Variants in QTRT1 observed in about 807,000 individuals in gnomAD.
The protein encoded by QTRT1 is queuine tRNA-ribosyltransferase catalytic subunit 1, also known as TGT, 43-KD subunit.
In QTRT1, 41 loss-of-function variants were observed where a neutral mutation model predicts 44.0. The ratio of observed to expected loss-of-function variants is 0.93; its 90% CI spans 0.73 to 1.21. The LOEUF (loss-of-function observed/expected upper bound fraction) is 1.21, where lower values mean the gene tolerates loss of function less well. QTRT1 is among the 50% of genes most tolerant of loss of function. The pLI is 0.00. For missense variants in QTRT1, 542 were observed against 575.8 expected (o/e 0.94, Z 0.60); for synonymous variants, 226 against 237.1 (o/e 0.95, Z 0.43).
At position 10,712,797 on chromosome 19, in the gene QTRT1, T is replaced by C. The variant is rs149020533; in HGVS notation, c.901T>C (p.Leu301=). 691 of 1,613,850 alleles carry C rather than the reference T, an allele frequency of 4.3e-4. 3 individuals are homozygous for C. The African/African-American group carries it at 7.5e-3, about 18-fold the overall frequency. Residue 301 remains leucine, a synonymous_variant, in exon 8 of 10, where the codon TTG becomes CTG. Coordinates refer to ENST00000250237, the MANE Select transcript of QTRT1 (RefSeq NM_031209.3). The surrounding 1 kb of genome is among the most constrained non-coding windows in gnomAD (Gnocchi z 5.6). ...SALVPTGNLQ[L]RKKVFEKDFG... is the part of the protein sequence containing the mutation. ...CCTGGTGCCCACTGGGAACCTGCAG[T>C]TGAGGAAGAAGGTGTTTGAGAAGGA...
chr19:10,707,684 GC>G, intron 5 of QTRT1, 69 bp downstream of exon 5: 1 of 1,185,710 alleles, frequency 8.4e-7, no homozygotes, highest in Non-Finnish European at 1.2e-6. Context: ...CTGGCGTATG[GC>G]GGGACTGGAT....
chr19:10,707,618 A>G lies in QTRT1; in HGVS notation c.646+3A>G. Reference sequence around the variant, plus strand: ...TCTCCGGGCCACCTGCCTTGAAGGTAGAGCCATGCGCTGGCAGGCCCAGGG... The same window carrying G: ...TCTCCGGGCCACCTGCCTTGAAGGTGGAGCCATGCGCTGGCAGGCCCAGGG... On this transcript the variant is annotated splice_donor_region_variant and intron_variant, in intron 5 of 9. Transcript: ENST00000250237. 1 of 1,592,552 alleles carries G rather than the reference A, an allele frequency of 6.3e-7. No individual in the cohort carries two copies.
intron 3 of QTRT1, among the ~76,000 whole-genome samples, chr19:10,705,103 C>T (rs1326838024): frequency 6.6e-6 from 1 of 151,322 alleles, no homozygotes; most frequent in Non-Finnish European, 1.5e-5. Context: ...TTAGTAGAGA[C>T]GGGGTTTCAC....
At chr19:10,710,326 A>T (rs1459431988) in intron 5 of QTRT1, among the ~76,000 whole-genome samples, 1 of 151,784 alleles carries the variant, frequency 6.6e-6, no homozygotes, top group Non-Finnish European at 1.5e-5. Flanking sequence ...TTTATTTTTT[A>T]TTTTTTTGAG....
intron 1 of QTRT1, 120 bp downstream of exon 1, chr19:10,701,823 C>T: frequency 6.4e-7 from 1 of 1,573,340 alleles, no homozygotes; most frequent in Non-Finnish European, 8.7e-7. Context: ...TTGAGCGCCC[C>T]CAATGACCAG....
Position 10,702,100 on chromosome 19 carries a change from G to A in QTRT1, c.313-16G>A, listed in dbSNP as rs1568251534. On this transcript the variant is annotated splice_polypyrimidine_tract_variant and intron_variant, in intron 2 of 9. Coordinates refer to ENST00000250237, the MANE Select transcript of QTRT1 (RefSeq NM_031209.3). Reference sequence around the variant, plus strand: ...ATCTCCACCCCCTGACAGCTTTGCGGTGGGGTTTCCCTTAGGACAGCGGCG... The same window carrying A: ...ATCTCCACCCCCTGACAGCTTTGCGATGGGGTTTCCCTTAGGACAGCGGCG... The A allele has an allele frequency of 5.6e-6, 9 of 1,614,190 alleles. No individual in the cohort carries two copies. Among genetic ancestry groups the A allele is most frequent in the Non-Finnish European group, 7.6e-6 (9 of 1,180,024 alleles).
At chr19:10,711,883 G>C in intron 5 of QTRT1, 1 of 549,764 alleles carries the variant, frequency 1.8e-6, no homozygotes, top group Non-Finnish European at 3.3e-6. Flanking sequence ...CCTCTTCTGA[G>C]TACTGAAGGA....
At chr19:10,703,021 G>A (rs750113125) in intron 3 of QTRT1, among the ~76,000 whole-genome samples, 22 of 148,668 alleles carry the variant, frequency 1.5e-4, no homozygotes, top group Non-Finnish European at 2.2e-4. Flanking sequence ...CGCCTGCCTC[G>A]GCCTCCCAGA....
chr19:10,706,448 C>A (rs1470948842), intron 3 of QTRT1, among the ~76,000 whole-genome samples: 1 of 152,130 alleles, frequency 6.6e-6, no homozygotes, highest in Non-Finnish European at 1.5e-5. Flanking sequence ...TCTTAGCTCA[C>A]CGCAACCTCC....
chr19:10,713,178 C>G lies in QTRT1; in HGVS notation c.1120C>G (p.Arg374Gly). Reference protein sequence around the residue: ...IVEKRFPDFVRDFMGAMYGDP... With the variant: ...IVEKRFPDFVGDFMGAMYGDP... ...GGAGAAGCGCTTCCCGGACTTCGTGCGGGACTTCATGGGCGCCATGTACGG... is the reference window on the plus strand; with the variant it reads ...GGAGAAGCGCTTCCCGGACTTCGTGGGGGACTTCATGGGCGCCATGTACGG... Residue 374 changes from arginine to glycine, a missense_variant, in exon 10 of 10, where the codon CGG becomes GGG. Coordinates refer to ENST00000250237, the MANE Select transcript of QTRT1 (RefSeq NM_031209.3). This position sits in a 1 kb window ranked among gnomAD's most constrained non-coding sequence, Gnocchi z 4.3. 2 of 1,609,672 alleles carry G rather than the reference C, an allele frequency of 1.2e-6. No homozygotes were observed. Among genetic ancestry groups the G allele is most frequent in the East Asian group, 2.2e-5 (1 of 44,810 alleles).
chr19:10,705,840 CTTTTTTTTTTTT>C (rs71164114), intron 3 of QTRT1, among the ~76,000 whole-genome samples: 4 of 37,700 alleles, frequency 1.1e-4, no homozygotes, highest in Non-Finnish European at 1.4e-4. Context: ...CTGGCCTGTT[CTTTTTTTTTTTT>C]TTTTTTTTTT....
At chr19:10,710,782 G>T (rs1423115353) in intron 5 of QTRT1, among the ~76,000 whole-genome samples, 1 of 151,908 alleles carries the variant, frequency 6.6e-6, no homozygotes, top group African/African-American at 2.4e-5. Context: ...AATTAGCCGG[G>T]CATGGTGGTG....
chr19:10,704,893 C>A (rs570324818), intron 3 of QTRT1, among the ~76,000 whole-genome samples: 2 of 149,290 alleles, frequency 1.3e-5, no homozygotes, highest in East Asian at 4.0e-4. Flanking sequence ...AGCTAAAGTT[C>A]TAGCTTTTTA....
At position 10,711,992 on chromosome 19, in the gene QTRT1, TGTCTCCCTCTCC is replaced by T. The variant is rs536637303; in HGVS notation, c.647-151_647-140del. The T allele has an allele frequency of 9.0e-4, 697 of 772,334 alleles. 2 individuals are homozygous for T. The highest frequency in any genetic ancestry group is 1.6e-3 in the South Asian group (95 of 60,542). 47.8% of individuals were successfully genotyped at this position (772,334 alleles called of 1,614,324 possible). ...AGACAAACTGATGGACCCTCTCCTC[TGTCTCCCTCTCC>T]GTCTCCCTCTCCGTCTCTGGCTCTG... On this transcript the variant is annotated intron_variant, in intron 5 of 9. Coordinates refer to ENST00000250237, the MANE Select transcript of QTRT1 (RefSeq NM_031209.3).
intron 3 of QTRT1, among the ~76,000 whole-genome samples, chr19:10,704,495 C>A (rs1005194083): frequency 6.6e-6 from 1 of 151,882 alleles, no homozygotes; most frequent in South Asian, 2.1e-4. Flanking sequence ...GGGGTTTCAT[C>A]GTGTTAGCCA....
Position 10,707,391 on chromosome 19 carries a change from G to A in QTRT1, c.530+11G>A, listed in dbSNP as rs374535958. The A allele has an allele frequency of 5.5e-5, 88 of 1,613,342 alleles. No homozygotes were observed. Among genetic ancestry groups the A allele is most frequent in the Non-Finnish European group, 6.9e-5 (81 of 1,179,444 alleles). On this transcript the variant is annotated intron_variant, in intron 4 of 9. Transcript: ENST00000250237. Reference sequence around the variant, plus strand: ...GGAGGCCATGTACAGGTGTGTATATGCTGTGTGCATGTGTGGGATATGTGG... The same window carrying A: ...GGAGGCCATGTACAGGTGTGTATATACTGTGTGCATGTGTGGGATATGTGG...
chr19:10,707,424 G>C, intron 4 of QTRT1, 44 bp downstream of exon 4: 2 of 1,610,624 alleles, frequency 1.2e-6, no homozygotes, highest in Non-Finnish European at 8.5e-7. Flanking sequence ...TGGTGGGAGG[G>C]GATCCTGGTC....
At position 10,713,157 on chromosome 19, in the gene QTRT1, A is replaced by T. The variant is rs951390367; in HGVS notation, c.1099A>T (p.Lys367Ter). Residue 367 changes from lysine (K) to a stop codon, truncating the protein, a stop_gained, in exon 10 of 10, where the codon AAG becomes TAG. Coordinates refer to ENST00000250237, the MANE Select transcript of QTRT1 (RefSeq NM_031209.3). LOFTEE classifies it high-confidence loss of function. This position sits in a 1 kb window ranked among gnomAD's most constrained non-coding sequence, Gnocchi z 4.3. ...CGCCGTCCGCACCAGCATCGTGGAGAAGCGCTTCCCGGACTTCGTGCGGGA... is the reference window on the plus strand; with the variant it reads ...CGCCGTCCGCACCAGCATCGTGGAGTAGCGCTTCCCGGACTTCGTGCGGGA... Reference protein sequence around the residue: ...MSAVRTSIVEKRFPDFVRDFM... With the variant: ...MSAVRTSIVE 1.1e-5 allele frequency: 18 copies of T among 1,609,204 alleles called. No homozygotes were observed. The East Asian group carries it at 3.8e-4, about 34-fold the overall frequency.
At chr19:10,708,767 C>CTTTT (rs1181603706) in intron 5 of QTRT1, among the ~76,000 whole-genome samples, 3 of 128,126 alleles carry the variant, frequency 2.3e-5, no homozygotes, top group East Asian at 2.2e-4. Flanking sequence ...TTTTTTTTTT[C>CTTTT]TTTTTTTTTT....
Sources: allele counts gnomAD v4.1 joint callset (sites outside exome capture counted in the v4.1 genomes callset), GRCh38; gene constraint gnomAD v4.1.1; non-coding constraint Gnocchi (gnomAD v3.1); transcripts MANE v1.5; gene names NCBI Gene and HGNC (gene_info 2026-07-23, HGNC 2026-07-21).